The following CHCHD6 variants were observed in gnomAD, a reference collection of about 807,000 sequenced individuals.
CHCHD6 encodes coiled-coil-helix-coiled-coil-helix domain containing 6, also known as MICOS complex subunit MIC25.
In CHCHD6, 28 loss-of-function variants were observed where a neutral mutation model predicts 32.3. That is an observed-to-expected ratio of 0.87 (90% CI 0.64 to 1.19). The LOEUF is 1.19. Ranked by LOEUF, CHCHD6 falls within the 50% of genes most tolerant of loss-of-function variation. The pLI, the probability that CHCHD6 is intolerant of heterozygous loss-of-function variation, is 0.00. For synonymous variants in CHCHD6, 122 were observed against 117.5 expected, an observed-to-expected ratio of 1.04 and a Z score of -0.25; for missense variants, 333 against 307.0, an observed-to-expected ratio of 1.08 and a Z score of -0.63.
chr3:126,759,930 A>G lies in CHCHD6; in HGVS notation c.411+26708A>G, dbSNP rs568441015. Among the ~76,000 whole-genome samples, 3 of 152,304 alleles carry G rather than the reference A, an allele frequency of 2.0e-5. No individual in the cohort carries two copies. The East Asian group carries it at 5.8e-4, about 29-fold the overall frequency. ...ATCTGCTCGCTTTTGGAGAGGCCTC[A>G]GGGAGCTTTTACTCATGGTGGGAAG... On this transcript the variant is annotated intron_variant, in intron 4 of 7. Coordinates refer to ENST00000290913, the MANE Select transcript of CHCHD6 (RefSeq NM_032343.3).
chr3:126,743,790 C>T (rs1159708310), intron 4 of CHCHD6, among the ~76,000 whole-genome samples: 1 of 152,174 alleles, frequency 6.6e-6, no homozygotes, highest in Non-Finnish European at 1.5e-5. Context: ...CCCTGACTTC[C>T]TACTTTGTTC....
intron 4 of CHCHD6, among the ~76,000 whole-genome samples, chr3:126,806,974 C>A (rs557538508): frequency 5.6e-5 from 8 of 142,028 alleles, no homozygotes; most frequent in Admixed American, 3.9e-4. Flanking sequence ...CGCATGTTCT[C>A]ATTCATAGAT....
intron 1 of CHCHD6, among the ~76,000 whole-genome samples, chr3:126,717,327 C>G (rs1935068193): frequency 6.6e-6 from 1 of 152,152 alleles, no homozygotes; most frequent in African/African-American, 2.4e-5. Flanking sequence ...ATATCATGAC[C>G]TTATATTGGG....
chr3:126,802,997 A>G (rs976309082), intron 4 of CHCHD6, among the ~76,000 whole-genome samples: 1 of 152,190 alleles, frequency 6.6e-6, no homozygotes, highest in Non-Finnish European at 1.5e-5. Context: ...AAAATCCTTT[A>G]CAGACAAGCA....
intron 6 of CHCHD6, among the ~76,000 whole-genome samples, chr3:126,942,295 T>C (rs1370002561): frequency 6.6e-6 from 1 of 152,170 alleles, no homozygotes; most frequent in Non-Finnish European, 1.5e-5. Context: ...GTTTGCTTAG[T>C]ATTTTGTGGG....
chr3:126,761,048 G>A (rs181312519), intron 4 of CHCHD6, among the ~76,000 whole-genome samples: 1 of 152,268 alleles, frequency 6.6e-6, no homozygotes, highest in Admixed American at 6.5e-5. Flanking sequence ...GCCCAGGCTG[G>A]TCTCAACCTC....
intron 1 of CHCHD6, among the ~76,000 whole-genome samples, chr3:126,707,966 AC>A (rs1467845088): frequency 2.6e-5 from 4 of 152,164 alleles, no homozygotes; most frequent in Non-Finnish European, 5.9e-5. Context: ...CATCATAGAG[AC>A]CTCAGCCCAG....
chr3:126,918,882 G>A (rs2107592561), intron 6 of CHCHD6, among the ~76,000 whole-genome samples: 1 of 152,300 alleles, frequency 6.6e-6, no homozygotes, highest in East Asian at 1.9e-4. Flanking sequence ...CACAGCTTTA[G>A]CTACAAGTTT....
At chr3:126,930,010 C>T (rs1198769843) in intron 6 of CHCHD6, among the ~76,000 whole-genome samples, 2 of 152,220 alleles carry the variant, frequency 1.3e-5, no homozygotes, top group African/African-American at 2.4e-5. Flanking sequence ...TCCTAACATA[C>T]CTCCTTGGAT....
chr3:126,861,211 C>G (rs1941845971), intron 5 of CHCHD6, among the ~76,000 whole-genome samples: 1 of 152,070 alleles, frequency 6.6e-6, no homozygotes. Flanking sequence ...AAGGACTCTG[C>G]CTCCTTGCAT....
chr3:126,932,259 G>A (rs2107599129), intron 6 of CHCHD6, among the ~76,000 whole-genome samples: 1 of 152,196 alleles, frequency 6.6e-6, no homozygotes, highest in Admixed American at 6.5e-5. Flanking sequence ...GGTTTGTGGT[G>A]GCCCATAGAC....
rs185837582 is a variant in CHCHD6, at chr3:126,757,991, T to G, written c.411+24769T>G. On this transcript the variant is annotated intron_variant, in intron 4 of 7. Transcript: ENST00000290913. The stretch of plus-strand genomic sequence containing the variant: ...TAAACTGGTTTGGATGAACCCACTC[T>G]CAGGTCTTTTAGTGGAAGGCAGGTT... Among the ~76,000 whole-genome samples the G allele has an allele frequency of 2.6e-5, 4 of 152,324 alleles. No individual in the cohort carries two copies. In the East Asian group the frequency reaches 5.8e-4, roughly 22 times the overall value.
At chr3:126,821,115 A>G (rs1313666853) in intron 4 of CHCHD6, among the ~76,000 whole-genome samples, 1 of 152,184 alleles carries the variant, frequency 6.6e-6, no homozygotes, top group Admixed American at 6.5e-5. Context: ...CACTAAGCAT[A>G]ATATTCTCAA....
chr3:126,771,155 T>G (rs1937534921), intron 4 of CHCHD6, among the ~76,000 whole-genome samples: 1 of 152,074 alleles, frequency 6.6e-6, no homozygotes, highest in South Asian at 2.1e-4. Context: ...TCTCTATTTC[T>G]GTGGGGTCAG....
chr3:126,861,330 A>C (rs570649552), intron 5 of CHCHD6, among the ~76,000 whole-genome samples: 1 of 152,094 alleles, frequency 6.6e-6, no homozygotes, highest in South Asian at 2.1e-4. Context: ...CGTGTGTACT[A>C]ACCGTTATAA....
intron 4 of CHCHD6, among the ~76,000 whole-genome samples, chr3:126,805,747 G>T (rs1235954477): frequency 6.6e-6 from 1 of 152,020 alleles, no homozygotes; most frequent in Non-Finnish European, 1.5e-5. Context: ...TCGCCAAGTC[G>T]ATCCTAAGCC....
intron 1 of CHCHD6, 127 bp downstream of exon 1, chr3:126,704,526 G>C (rs1934379535): frequency 3.7e-6 from 2 of 547,780 alleles, no homozygotes; most frequent in East Asian, 3.7e-5. Flanking sequence ...GACTCCGGGG[G>C]CTCAGGCCAG....
chr3:126,924,312 G>A (rs1349767126), intron 6 of CHCHD6, among the ~76,000 whole-genome samples: 1 of 152,230 alleles, frequency 6.6e-6, no homozygotes, highest in Non-Finnish European at 1.5e-5. Context: ...GGAGATAATA[G>A]TTATCTCTGG....
chr3:126,781,682 C>T (rs1937949320), intron 4 of CHCHD6, among the ~76,000 whole-genome samples: 2 of 152,190 alleles, frequency 1.3e-5, no homozygotes, highest in African/African-American at 4.8e-5. Context: ...AGCCAGATGC[C>T]AGTGTTCTGC....
Sources: gnomAD v4.1 joint callset for allele counts (sites outside exome capture counted in the v4.1 genomes callset) on GRCh38, gnomAD v4.1.1 for gene constraint, MANE v1.5 for transcripts, NCBI Gene and HGNC (gene_info 2026-07-23, HGNC 2026-07-21) for gene names.